Variants in BBS9 observed in about 807,000 individuals in gnomAD.
BBS9 encodes the protein Bardet-Biedl syndrome 9, also known as protein PTHB1.
A neutral mutation model predicts 117.7 loss-of-function variants in BBS9; 89 were observed. That is an observed-to-expected ratio of 0.76 (90% CI 0.64 to 0.90). BBS9 has a LOEUF of 0.90. Among genes scored for constraint, BBS9 ranks in the 40% least tolerant of loss-of-function variants. The pLI, the probability that BBS9 is intolerant of heterozygous loss-of-function variation, is 0.00. For missense variants in BBS9, 982 were observed against 1,042.2 expected, an observed-to-expected ratio of 0.94 and a Z score of 0.80; for synonymous variants, 379 against 370.9, an observed-to-expected ratio of 1.02 and a Z score of -0.25.
intron 21 of BBS9, among the ~76,000 whole-genome samples, chr7:33,552,513 C>G (rs910760932): frequency 1.3e-5 from 2 of 152,150 alleles, no homozygotes; most frequent in African/African-American, 4.8e-5. Context: ...CTGAGTCAAT[C>G]TTTGGCTTTT....
chr7:33,498,243 A>T (rs1023802567), intron 19 of BBS9, among the ~76,000 whole-genome samples: 5 of 152,174 alleles, frequency 3.3e-5, no homozygotes, highest in African/African-American at 1.2e-4. Flanking sequence ...AATATATCAA[A>T]ATTGTTGCCT....
intron 19 of BBS9, among the ~76,000 whole-genome samples, chr7:33,488,469 G>T (rs916992263): frequency 6.6e-6 from 1 of 152,196 alleles, no homozygotes; most frequent in African/African-American, 2.4e-5. Flanking sequence ...GGATGTTGAT[G>T]TGAGGGGTTA....
At chr7:33,533,927 T>G in intron 20 of BBS9, 27 bp from the exon 21 acceptor site, 1 of 1,610,792 alleles carries the variant, frequency 6.2e-7, no homozygotes, top group South Asian at 1.1e-5. Context: ...ATCTTTGTAT[T>G]AATTCAAAAT....
At chr7:33,356,669 G>C (rs1475883663) in intron 15 of BBS9, among the ~76,000 whole-genome samples, 1 of 151,786 alleles carries the variant, frequency 6.6e-6, no homozygotes, top group Non-Finnish European at 1.5e-5. Flanking sequence ...CACTATCCTA[G>C]TGAATAAGTA....
chr7:33,569,914 A>AACATACC (rs2129136529), intron 21 of BBS9, among the ~76,000 whole-genome samples: 1 of 152,330 alleles, frequency 6.6e-6, no homozygotes, highest in East Asian at 1.9e-4. Context: ...AGTAGTAGTG[A>AACATACC]ACATACCTGG....
intron 21 of BBS9, among the ~76,000 whole-genome samples, chr7:33,634,890 G>A (rs919494811): frequency 3.3e-5 from 5 of 152,168 alleles, no homozygotes; most frequent in Non-Finnish European, 5.9e-5. Context: ...GCTTAGTCCG[G>A]AGTGTGGGGT....
chr7:33,549,066 T>A (rs1044009198), intron 21 of BBS9, among the ~76,000 whole-genome samples: 2 of 150,370 alleles, frequency 1.3e-5, no homozygotes, highest in Non-Finnish European at 2.9e-5. Context: ...ATGGTACTGG[T>A]ACCAAAACAG....
At chr7:33,496,720 A>C (rs1844772190) in intron 19 of BBS9, among the ~76,000 whole-genome samples, 1 of 152,194 alleles carries the variant, frequency 6.6e-6, no homozygotes, top group African/African-American at 2.4e-5. Flanking sequence ...TTTCTCTTTT[A>C]TCTAGTCATA....
At chr7:33,574,889 AT>A (rs1272269708) in intron 21 of BBS9, among the ~76,000 whole-genome samples, 1 of 152,106 alleles carries the variant, frequency 6.6e-6, no homozygotes, top group Non-Finnish European at 1.5e-5. Context: ...ATTGATTGCT[AT>A]TTTTAAATTT....
At chr7:33,177,345 C>A in intron 4 of BBS9, 133 bp from the exon 5 acceptor site, 1 of 678,178 alleles carries the variant, frequency 1.5e-6, no homozygotes. Context: ...TAATTTTTCA[C>A]AATACATAAT....
intron 5 of BBS9, among the ~76,000 whole-genome samples, chr7:33,204,488 ACAGATTAT>A (rs1786535707): frequency 6.6e-6 from 1 of 151,956 alleles, no homozygotes; most frequent in South Asian, 2.1e-4. Flanking sequence ...AATGAAGCAC[ACAGATTAT>A]CAGCAGTGGA....
chr7:33,551,538 A>G (rs558664067), intron 21 of BBS9, among the ~76,000 whole-genome samples: 5 of 152,294 alleles, frequency 3.3e-5, no homozygotes, highest in African/African-American at 1.2e-4. Context: ...CATTATTTCC[A>G]TTGAAAAACA....
chr7:33,455,233 G>A (rs1052968779), intron 19 of BBS9, among the ~76,000 whole-genome samples: 6 of 91,242 alleles, frequency 6.6e-5, no homozygotes, highest in African/African-American at 2.3e-4. Flanking sequence ...AAATATGGAC[G>A]TGATGGTGGT....
rs188085045 is a variant in BBS9, at chr7:33,418,371, C to T, written c.2115+30227C>T. 1.3e-4 allele frequency among the ~76,000 whole-genome samples: 20 copies of T among 152,274 alleles called. No individual in the cohort carries two copies. The East Asian group carries it at 1.5e-3, about 12-fold the overall frequency. ...TTTTAACCCCTGATGACTAGGAAACCTCTCTCCCTTGGGAGACTGAGTGTG... is the reference window on the plus strand; with the variant it reads ...TTTTAACCCCTGATGACTAGGAAACTTCTCTCCCTTGGGAGACTGAGTGTG... On this transcript the variant is annotated intron_variant, in intron 19 of 22. Transcript: ENST00000242067.
chr7:33,390,783 GT>G, intron 19 of BBS9: 1 of 266,074 alleles, frequency 3.8e-6, no homozygotes, highest in Non-Finnish European at 5.8e-6. Flanking sequence ...CATTCTTACT[GT>G]TTTTGTTTCT....
chr7:33,347,807 TTCTTAACAATAAGAA>T (rs1817879874), intron 12 of BBS9, among the ~76,000 whole-genome samples: 2 of 151,886 alleles, frequency 1.3e-5, no homozygotes, highest in African/African-American at 2.4e-5. Context: ...AAAACTACTT[TTCTTAACAATAAGAA>T]TGGTCCTTGA....
At chr7:33,314,780 A>G (rs1479558665) in intron 9 of BBS9, among the ~76,000 whole-genome samples, 1 of 152,238 alleles carries the variant, frequency 6.6e-6, no homozygotes, top group Admixed American at 6.5e-5. Flanking sequence ...CAAAGTTGAC[A>G]CACATGCACA....
At chr7:33,402,349 G>A (rs922728947) in intron 19 of BBS9, among the ~76,000 whole-genome samples, 4 of 152,042 alleles carry the variant, frequency 2.6e-5, no homozygotes, top group Non-Finnish European at 2.9e-5. Context: ...GAAAAAGAAC[G>A]CAGCTTTATT....
intron 15 of BBS9, among the ~76,000 whole-genome samples, chr7:33,356,891 C>T (rs1489714047): frequency 2.6e-5 from 4 of 151,774 alleles, no homozygotes; most frequent in Non-Finnish European, 5.9e-5. Flanking sequence ...AGAGTTAGAA[C>T]ATTTTGAGTG....
Sources: gnomAD v4.1 joint callset for allele counts (sites outside exome capture counted in the v4.1 genomes callset) on GRCh38, gnomAD v4.1.1 for gene constraint, MANE v1.5 for transcripts, NCBI Gene and HGNC (gene_info 2026-07-23, HGNC 2026-07-21) for gene names.